Variants in NETO1 observed in about 807,000 individuals in gnomAD.
The protein encoded by NETO1 is neuropilin and tolloid like 1, also known as neuropilin and tolloid-like protein 1.
A neutral mutation model predicts 61.3 loss-of-function variants in NETO1; 26 were observed. That is an observed-to-expected ratio of 0.42 (90% CI 0.31 to 0.59). NETO1 has a LOEUF of 0.59. Among genes scored for constraint, NETO1 ranks in the 20% least tolerant of loss-of-function variants. The probability of loss-of-function intolerance (pLI) is 0.12; values close to 1 mark genes in which losing one functional copy is unlikely to be tolerated. For synonymous variants in NETO1, 225 were observed against 225.8 expected (o/e 1.00, Z 0.03); for missense variants, 531 against 662.8 (o/e 0.80, Z 2.18).
At chr18:72,809,597 C>T (rs929715011) in intron 4 of NETO1, among the ~76,000 whole-genome samples, 27 of 152,088 alleles carry the variant, frequency 1.8e-4, no homozygotes, top group African/African-American at 6.3e-4. Context: ...CGAACCTCTT[C>T]GATACATGAA....
At chr18:72,771,101 A>G (rs2071338381) in intron 7 of NETO1, among the ~76,000 whole-genome samples, 1 of 152,150 alleles carries the variant, frequency 6.6e-6, no homozygotes, top group African/African-American at 2.4e-5. Context: ...TTAGTTACTG[A>G]GATTATATGA....
In NETO1 at chr18:72,750,706, TA is replaced by T. The variant is rs2070573980; in HGVS notation, c.983-87del. 3 of 939,772 alleles carry T rather than the reference TA, an allele frequency of 3.2e-6. No individual in the cohort carries two copies. In the East Asian group the frequency reaches 8.0e-5, roughly 25 times the overall value. 58.2% of individuals were successfully genotyped at this position (939,772 alleles called of 1,614,324 possible). A position where few individuals can be genotyped will look rare whatever the true frequency, so the allele number is the denominator to read the frequency against. On this transcript the variant is annotated intron_variant, in intron 8 of 10. Coordinates refer to ENST00000327305, the MANE Select transcript of NETO1 (RefSeq NM_138966.5). ...TTAATATTATAGTCAAAATGTGTAT[TA>T]AAAACTTAAAGTAAAGCAGGCTGAG...
intron 3 of NETO1, among the ~76,000 whole-genome samples, chr18:72,859,996 A>G (rs916045692): frequency 4.6e-5 from 7 of 152,058 alleles, no homozygotes; most frequent in Non-Finnish European, 7.3e-5. Context: ...ACAGCTCTCT[A>G]AAGAATCAGG....
intron 3 of NETO1, 123 bp downstream of exon 3, chr18:72,864,685 T>C (rs951974881): frequency 3.2e-6 from 4 of 1,242,888 alleles, no homozygotes; most frequent in Admixed American, 2.2e-5. Flanking sequence ...ACTCAAGAGA[T>C]ATTTTTGCGC....
intron 9 of NETO1, among the ~76,000 whole-genome samples, 168 bp from the exon 10 acceptor site, chr18:72,749,256 G>A (rs926613454): frequency 1.3e-5 from 2 of 152,172 alleles, no homozygotes; most frequent in African/African-American, 2.4e-5. Flanking sequence ...TTTTGAGAAT[G>A]TAATGAATGG....
At chr18:72,820,963 G>A (rs1008411310) in intron 4 of NETO1, among the ~76,000 whole-genome samples, 2 of 152,058 alleles carry the variant, frequency 1.3e-5, no homozygotes, top group Admixed American at 1.3e-4. Flanking sequence ...TAGATAGATA[G>A]ATAGACTTAT....
chr18:72,774,700 T>C (rs1287662317), intron 7 of NETO1, among the ~76,000 whole-genome samples: 2 of 152,238 alleles, frequency 1.3e-5, no homozygotes, highest in African/African-American at 2.4e-5. Flanking sequence ...GATTAATTAA[T>C]TGTTTTTACT....
At chr18:72,798,454 A>G (rs1381063128) in intron 4 of NETO1, among the ~76,000 whole-genome samples, 1 of 152,164 alleles carries the variant, frequency 6.6e-6, no homozygotes, top group African/African-American at 2.4e-5. Context: ...TCAAAACCCT[A>G]TCAGTGAGTG....
At chr18:72,763,215 A>C (rs1042069127) in intron 7 of NETO1, among the ~76,000 whole-genome samples, 1 of 152,068 alleles carries the variant, frequency 6.6e-6, no homozygotes, top group Non-Finnish European at 1.5e-5. Context: ...GGCAGATTTG[A>C]GACACTGATG....
chr18:72,833,224 G>A (rs149884244), intron 4 of NETO1, among the ~76,000 whole-genome samples: 58 of 152,218 alleles, frequency 3.8e-4, no homozygotes, highest in Middle Eastern at 3.4e-3. Context: ...TGAATCTACC[G>A]TTTTTCACTG....
In NETO1 at chr18:72,750,519, T is replaced by A; in HGVS notation, c.1084A>T (p.Ile362Phe). Reference sequence around the variant, plus strand: ...TTACGAGGCTGTTTGATCTGTACGATGACAGAGATGATAATGAGGATGATC... The same window carrying A: ...TTACGAGGCTGTTTGATCTGTACGAAGACAGAGATGATAATGAGGATGATC... ...IVIILIIISV[I>F]VQIKQPRKKY... Residue 362 changes from isoleucine to phenylalanine, a missense_variant, in exon 9 of 11, where the codon ATC becomes TTC. Transcript: ENST00000327305. The A allele has an allele frequency of 6.2e-7, 1 of 1,614,002 alleles. No individual in the cohort carries two copies. Among genetic ancestry groups the A allele is most frequent in the Non-Finnish European group, 8.5e-7 (1 of 1,179,962 alleles).
At chr18:72,850,468 A>G (rs1339362564) in intron 4 of NETO1, among the ~76,000 whole-genome samples, 2 of 152,230 alleles carry the variant, frequency 1.3e-5, no homozygotes, top group Admixed American at 1.3e-4. Context: ...TAGTTTTCAA[A>G]TAATTAAATA....
At chr18:72,798,650 G>A (rs2072400234) in intron 4 of NETO1, among the ~76,000 whole-genome samples, 2 of 152,112 alleles carry the variant, frequency 1.3e-5, no homozygotes, top group Admixed American at 6.5e-5. Context: ...CTGCACACTT[G>A]TCTCAGTCAC....
intron 7 of NETO1, among the ~76,000 whole-genome samples, chr18:72,771,377 A>T (rs2071346338): frequency 6.6e-6 from 1 of 152,146 alleles, no homozygotes; most frequent in African/African-American, 2.4e-5. Flanking sequence ...AAAATAAATG[A>T]GGGAGTATGT....
At chr18:72,843,624 A>G (rs2073999949) in intron 4 of NETO1, among the ~76,000 whole-genome samples, 1 of 152,210 alleles carries the variant, frequency 6.6e-6, no homozygotes. Flanking sequence ...AAATAGACCA[A>G]GAAAGCTCCT....
intron 4 of NETO1, among the ~76,000 whole-genome samples, chr18:72,851,934 C>T (rs962310373): frequency 6.6e-6 from 1 of 152,070 alleles, no homozygotes; most frequent in African/African-American, 2.4e-5. Flanking sequence ...GTACCTGAAC[C>T]CAGGCCACAC....
chr18:72,760,544 G>T (rs1159674757), intron 7 of NETO1, among the ~76,000 whole-genome samples: 14 of 152,148 alleles, frequency 9.2e-5, no homozygotes, highest in Admixed American at 9.2e-4. Context: ...AGAGTGTGTG[G>T]TGTGCAGTGA....
In NETO1 at chr18:72,744,512, GTCCTT is replaced by G. The variant is rs2070391088; in HGVS notation, c.*3662_*3666del. 6.6e-6 allele frequency: 1 copy of G among 151,996 alleles called. No individual in the cohort carries two copies. Among genetic ancestry groups the G allele is most frequent in the Non-Finnish European group, 1.5e-5 (1 of 68,008 alleles). The allele number at this position is 151,996 out of a possible 1,614,324, so 9.4% of individuals were successfully genotyped here. On this transcript the variant is annotated 3_prime_UTR_variant, in exon 11 of 11. Coordinates refer to ENST00000327305, the MANE Select transcript of NETO1 (RefSeq NM_138966.5). ...ATCTATTTTACAATTTCTTGGCTGG[GTCCTT>G]TACGCTAGAGTGCAATAGATAGAAA... is the stretch of plus-strand genomic sequence containing the variant.
chr18:72,863,485 T>C (rs1019751175), intron 3 of NETO1, among the ~76,000 whole-genome samples: 1 of 152,204 alleles, frequency 6.6e-6, no homozygotes, highest in African/African-American at 2.4e-5. Context: ...AGGTAGCGAG[T>C]ACCTTTTCTA....
Sources: allele counts gnomAD v4.1 joint callset (sites outside exome capture counted in the v4.1 genomes callset), GRCh38; gene constraint gnomAD v4.1.1; transcripts MANE v1.5; gene names NCBI Gene and HGNC (gene_info 2026-07-23, HGNC 2026-07-21).